Variants in PHF3 observed in about 807,000 individuals in gnomAD.
The protein encoded by PHF3 is PHD finger protein 3.
PHF3 carries 41 observed loss-of-function variants against 178.4 expected under a neutral mutation model. That is an observed-to-expected ratio of 0.23 (90% CI 0.18 to 0.30). The LOEUF (loss-of-function observed/expected upper bound fraction) is 0.30. Ranked by LOEUF, PHF3 falls within the 10% of genes least tolerant of loss-of-function variation. PHF3 has a pLI of 1.00. For synonymous variants in PHF3, 842 were observed against 800.5 expected (o/e 1.05, Z -0.88); for missense variants, 2,346 against 2,398.1 (o/e 0.98, Z 0.45).
intron 1 of PHF3, among the ~76,000 whole-genome samples, chr6:63,639,520 ATT>A (rs1281400762): frequency 6.6e-6 from 1 of 152,082 alleles, no homozygotes; most frequent in Non-Finnish European, 1.5e-5. Context: ...TGTTTCTAGC[ATT>A]TTTTAAGATT....
At chr6:63,656,276 A>G (rs1243126004) in intron 2 of PHF3, among the ~76,000 whole-genome samples, 3 of 152,192 alleles carry the variant, frequency 2.0e-5, no homozygotes, top group South Asian at 2.1e-4. Context: ...TGCATTGACT[A>G]TTTAATTTTT....
In PHF3 at chr6:63,642,883, A is replaced by G. The variant is rs182123033; in HGVS notation, c.-25-3644A>G. On this transcript the variant is annotated intron_variant, in intron 1 of 15. Coordinates refer to ENST00000262043, the MANE Select transcript of PHF3 (RefSeq NM_001370348.2). ...GATCTGATTATCTGTTAGCCACATT[A>G]CTAGGTATCCCAGAATATTCTTAGA... is the stretch of plus-strand genomic sequence containing the variant. Among the ~76,000 whole-genome samples the G allele has an allele frequency of 8.5e-5, 13 of 152,332 alleles. No homozygotes were observed. The South Asian group carries it at 2.7e-3, about 32-fold the overall frequency.
intron 2 of PHF3, among the ~76,000 whole-genome samples, chr6:63,668,018 A>G (rs1228381574): frequency 2.6e-5 from 4 of 152,218 alleles, no homozygotes; most frequent in African/African-American, 7.2e-5. Flanking sequence ...CCTTGGCAAT[A>G]TGAAAATATT....
Position 63,684,328 on chromosome 6 carries a change from A to T in PHF3, c.606A>T (p.Arg202=). Residue 202 remains arginine (R), a synonymous_variant, in exon 4 of 16, where the codon CGA becomes CGT. Transcript: ENST00000262043. ...EYHKENRRCS[R]NSGQIEVVPE... ...ATAAGGAGAATAGAAGGTGCAGCCGAAATAGCGGACAAATTGAAGTGGTAC... is the reference window on the plus strand; with the variant it reads ...ATAAGGAGAATAGAAGGTGCAGCCGTAATAGCGGACAAATTGAAGTGGTAC... 4 of 1,614,010 alleles carry T rather than the reference A, an allele frequency of 2.5e-6. No individual in the cohort carries two copies. Among genetic ancestry groups the T allele is most frequent in the Non-Finnish European group, 3.4e-6 (4 of 1,179,898 alleles).
At chr6:63,686,106 A>G in intron 4 of PHF3, 195 bp downstream of exon 4, 1 of 532,254 alleles carries the variant, frequency 1.9e-6, no homozygotes, top group Non-Finnish European at 3.3e-6. Context: ...TCATCCTAGA[A>G]CATTTAAAAA....
intron 2 of PHF3, among the ~76,000 whole-genome samples, chr6:63,655,503 G>A (rs866868731): frequency 2.3e-4 from 35 of 152,160 alleles, no homozygotes; most frequent in African/African-American, 6.8e-4. Context: ...ATGTGCCACT[G>A]CGCCTGGCTT....
rs556230828 is a variant in PHF3, at chr6:63,717,012, ACAG to A, written c.*3306_*3308del. ...TCTTTTGGGGGATTATCATCTACCAACAGCCCTTGACTTACTAATTGTAGTTTA... is the reference window on the plus strand; with the variant it reads ...TCTTTTGGGGGATTATCATCTACCAACCCTTGACTTACTAATTGTAGTTTA... On this transcript the variant is annotated 3_prime_UTR_variant, in exon 16 of 16. Coordinates refer to ENST00000262043, the MANE Select transcript of PHF3 (RefSeq NM_001370348.2). Among the ~76,000 whole-genome samples the A allele has an allele frequency of 3.2e-4, 48 of 152,198 alleles. No individual in the cohort carries two copies. Among genetic ancestry groups the A allele is most frequent in the Middle Eastern group, 6.8e-3 (2 of 294 alleles).
Position 63,716,922 on chromosome 6 carries a change from C to T in PHF3, c.*3214C>T, listed in dbSNP as rs958359090. On this transcript the variant is annotated 3_prime_UTR_variant, in exon 16 of 16. Coordinates refer to ENST00000262043, the MANE Select transcript of PHF3 (RefSeq NM_001370348.2). ...GAGCAACTTAAATTCCATCTGTGAC[C>T]TTAATTCCCTATTCCCATGTAACCT... is the stretch of plus-strand genomic sequence containing the variant. Among the ~76,000 whole-genome samples the T allele has an allele frequency of 3.3e-5, 5 of 151,950 alleles. 1 individual carries two copies. The highest frequency in any genetic ancestry group is 6.6e-5 in the Admixed American group (1 of 15,222).
In PHF3 at chr6:63,716,240, A is replaced by C. The variant is rs972309944; in HGVS notation, c.*2532A>C. Among the ~76,000 whole-genome samples, 1 of 152,206 alleles carries C rather than the reference A, an allele frequency of 6.6e-6. No homozygotes were observed. Among genetic ancestry groups the C allele is most frequent in the Non-Finnish European group, 1.5e-5 (1 of 68,020 alleles). On this transcript the variant is annotated 3_prime_UTR_variant, in exon 16 of 16. Transcript: ENST00000262043. The stretch of plus-strand genomic sequence containing the variant: ...GTTACCCTGCTGTTGTCAGAGCAGG[A>C]ATCCTACCTAGCTCAGTTCTTTTCT...
At chr6:63,662,605 C>T (rs1157053819) in intron 2 of PHF3, among the ~76,000 whole-genome samples, 1 of 152,160 alleles carries the variant, frequency 6.6e-6, no homozygotes, top group Non-Finnish European at 1.5e-5. Context: ...GATTTCTGAT[C>T]TGGATCTACT....
chr6:63,651,074 A>G (rs946044807), intron 2 of PHF3, among the ~76,000 whole-genome samples: 3 of 152,192 alleles, frequency 2.0e-5, no homozygotes, highest in African/African-American at 7.2e-5. Context: ...CTTTTACATT[A>G]ATAACTTATT....
At chr6:63,698,775 T>C (rs1195291101) in intron 8 of PHF3, among the ~76,000 whole-genome samples, 170 bp downstream of exon 8, 1 of 152,182 alleles carries the variant, frequency 6.6e-6, no homozygotes, top group Non-Finnish European at 1.5e-5. Context: ...TAATTCTGCA[T>C]ACTAATAGCA....
At chr6:63,679,826 T>C in intron 2 of PHF3, 174 bp from the exon 3 acceptor site, 1 of 659,978 alleles carries the variant, frequency 1.5e-6, no homozygotes, top group East Asian at 2.9e-5. Context: ...TAAAACTGAC[T>C]TGATTTGGGA....
Position 63,721,545 on chromosome 6 carries a change from A to AT in PHF3, c.*7837_*7838insT. 1 of 1,551,758 alleles carries AT rather than the reference A, an allele frequency of 6.4e-7. No individual in the cohort carries two copies. Reference sequence around the variant, plus strand: ...TATTGCCATGGGATTTACAAGATTTAAAGAAGATACTCCTCCAATATAGAA... The same window carrying AT: ...TATTGCCATGGGATTTACAAGATTTATAAGAAGATACTCCTCCAATATAGAA... On this transcript the variant is annotated 3_prime_UTR_variant, in exon 16 of 16. Coordinates refer to ENST00000262043, the MANE Select transcript of PHF3 (RefSeq NM_001370348.2).
In PHF3 at chr6:63,639,214, G is replaced by A. The variant is rs1764473958; in HGVS notation, c.-26+3064G>A. Among the ~76,000 whole-genome samples, 5 of 152,264 alleles carry A rather than the reference G, an allele frequency of 3.3e-5. No individual in the cohort carries two copies. The South Asian group carries it at 6.2e-4, about 19-fold the overall frequency. On this transcript the variant is annotated intron_variant, in intron 1 of 15. Coordinates refer to ENST00000262043, the MANE Select transcript of PHF3 (RefSeq NM_001370348.2). Reference sequence around the variant, plus strand: ...CAGTAAAAATTTTAAGATATTTCCAGAAGTTTTAACCTGTTGGCATAATCT... The same window carrying A: ...CAGTAAAAATTTTAAGATATTTCCAAAAGTTTTAACCTGTTGGCATAATCT...
At chr6:63,679,811 G>T (rs1766346218) in intron 2 of PHF3, 189 bp from the exon 3 acceptor site, 1 of 638,218 alleles carries the variant, frequency 1.6e-6, no homozygotes, top group African/African-American at 1.8e-5. Flanking sequence ...CAAGGTGGAA[G>T]TTTATAAAAC....
intron 2 of PHF3, among the ~76,000 whole-genome samples, chr6:63,656,917 T>A (rs911035471): frequency 6.6e-6 from 1 of 152,216 alleles, no homozygotes; most frequent in East Asian, 1.9e-4. Context: ...TTGCCTTTCC[T>A]CCAACCCAGT....
rs968248217 is a variant in PHF3 at position 63,724,038 on chromosome 6, T to G, written c.*10330T>G. Among the ~76,000 whole-genome samples, 14 of 151,982 alleles carry G rather than the reference T, an allele frequency of 9.2e-5. No individual in the cohort carries two copies. The highest frequency in any genetic ancestry group is 3.4e-4 in the African/African-American group (14 of 41,386). ...GCCAGGCTGGTCTTGACCTCCTGAC[T>G]TCAGGTGATCCGCCCACCTCGGCCT... On this transcript the variant is annotated 3_prime_UTR_variant, in exon 16 of 16. Transcript: ENST00000262043.
intron 2 of PHF3, among the ~76,000 whole-genome samples, chr6:63,665,577 C>T (rs1204197807): frequency 6.7e-6 from 1 of 150,158 alleles, no homozygotes; most frequent in Non-Finnish European, 1.5e-5. Flanking sequence ...ACCTCCGCCT[C>T]CGGCTTCAAG....
Sources: gnomAD v4.1 joint callset for allele counts (sites outside exome capture counted in the v4.1 genomes callset) on GRCh38, gnomAD v4.1.1 for gene constraint, MANE v1.5 for transcripts, NCBI Gene and HGNC (gene_info 2026-07-23, HGNC 2026-07-21) for gene names.